Variants in CLEC19A observed in about 807,000 individuals in gnomAD.
CLEC19A encodes C-type lectin domain family 19 member A.
A neutral mutation model predicts 26.1 loss-of-function variants in CLEC19A; 21 were observed. The ratio of observed to expected loss-of-function variants is 0.80; its 90% CI spans 0.57 to 1.16. CLEC19A has a LOEUF of 1.16. Among genes scored for constraint, CLEC19A ranks in the 50% most tolerant of loss-of-function variants. CLEC19A has a pLI of 0.00. For missense variants in CLEC19A, 224 were observed against 227.6 expected, an observed-to-expected ratio of 0.98 and a Z score of 0.10; for synonymous variants, 89 against 88.6, an observed-to-expected ratio of 1.00 and a Z score of -0.03.
At chr16:19,302,328 ATCT>A (rs913750148) in intron 2 of CLEC19A, among the ~76,000 whole-genome samples, 4 of 152,208 alleles carry the variant, frequency 2.6e-5, no homozygotes, top group African/African-American at 9.6e-5. Flanking sequence ...GAAAAAAGAA[ATCT>A]TCTAATGGTG....
chr16:19,300,033 G>T (rs1042895207), intron 2 of CLEC19A, among the ~76,000 whole-genome samples: 2 of 152,028 alleles, frequency 1.3e-5, no homozygotes, highest in Non-Finnish European at 2.9e-5. Flanking sequence ...AGACCAGCCT[G>T]GCTAACATGG....
chr16:19,306,953 T>C (rs936574593), intron 3 of CLEC19A, among the ~76,000 whole-genome samples: 4 of 152,240 alleles, frequency 2.6e-5, no homozygotes, highest in Admixed American at 2.0e-4. Flanking sequence ...CTCCTGTTCC[T>C]GGACAAGTTG....
intron 2 of CLEC19A, among the ~76,000 whole-genome samples, chr16:19,301,710 C>A: frequency 7.1e-6 from 1 of 141,428 alleles, no homozygotes. Context: ...ACTACAGGCG[C>A]ATGACACCAT....
intron 3 of CLEC19A, 120 bp from the exon 4 acceptor site, chr16:19,307,425 C>A: frequency 1.9e-6 from 2 of 1,079,478 alleles, no homozygotes; most frequent in Non-Finnish European, 2.6e-6. Context: ...TCAATGAAGA[C>A]ATCTGTGCAG....
chr16:19,309,386 T>A lies in CLEC19A; in HGVS notation c.*303T>A. The A allele has an allele frequency of 3.8e-6, 1 of 260,362 alleles. No individual in the cohort carries two copies. Among genetic ancestry groups the A allele is most frequent in the South Asian group, 5.1e-5 (1 of 19,588 alleles). The allele number at this position is 260,362 out of a possible 1,614,324, so 16.1% of individuals were successfully genotyped here. On this transcript the variant is annotated 3_prime_UTR_variant, in exon 5 of 5. Transcript: ENST00000636231. ...TGGCCTGGCTCGGGTCACGTGCCCA[T>A]CCCTGAAGCAATCACTTTGGCATAT...
intron 2 of CLEC19A, among the ~76,000 whole-genome samples, chr16:19,303,526 CTGT>C (rs1175899966): frequency 3.3e-5 from 5 of 152,138 alleles, no homozygotes; most frequent in African/African-American, 1.2e-4. Flanking sequence ...GGATGGTGGG[CTGT>C]TAACTGAGGG....
intron 1 of CLEC19A, 36 bp downstream of exon 1, chr16:19,285,975 A>G (rs1897456884): frequency 6.5e-7 from 1 of 1,535,256 alleles, no homozygotes; most frequent in African/African-American, 1.4e-5. Flanking sequence ...GCAGGTGGAG[A>G]GGAGTACACT....
At chr16:19,298,606 T>C in intron 1 of CLEC19A, 67 bp from the exon 2 acceptor site, 1 of 1,467,316 alleles carries the variant, frequency 6.8e-7, no homozygotes, top group Non-Finnish European at 9.2e-7. Flanking sequence ...GAAAATAGGT[T>C]CTAAGCTATG....
intron 3 of CLEC19A, 82 bp downstream of exon 3, chr16:19,304,237 GC>G: frequency 8.6e-7 from 1 of 1,158,800 alleles, no homozygotes; most frequent in Non-Finnish European, 1.3e-6. Flanking sequence ...TCACATCAGT[GC>G]CAGGTCACGG....
intron 2 of CLEC19A, among the ~76,000 whole-genome samples, chr16:19,300,930 C>A (rs1897805811): frequency 6.6e-6 from 1 of 152,158 alleles, no homozygotes; most frequent in African/African-American, 2.4e-5. Context: ...TGGTTTCTCC[C>A]TCCTACCCAT....
intron 1 of CLEC19A, among the ~76,000 whole-genome samples, chr16:19,295,191 C>T (rs1279712371): frequency 6.6e-6 from 1 of 151,882 alleles, no homozygotes; most frequent in Non-Finnish European, 1.5e-5. Context: ...GGATGTGGGA[C>T]TCTCAGGGTT....
intron 2 of CLEC19A, among the ~76,000 whole-genome samples, chr16:19,300,838 G>C (rs1263592175): frequency 6.6e-6 from 1 of 152,168 alleles, no homozygotes; most frequent in Non-Finnish European, 1.5e-5. Flanking sequence ...TTGGAGGACA[G>C]GCCAGTCCTA....
In CLEC19A at chr16:19,307,297, G is replaced by A. The variant is rs534503701; in HGVS notation, c.349-248G>A. Among the ~76,000 whole-genome samples, 5 of 152,268 alleles carry A rather than the reference G, an allele frequency of 3.3e-5. No homozygotes were observed. In the South Asian group the frequency reaches 8.3e-4, roughly 25 times the overall value. ...TGACGCCTGCTTTTCAGAATGGTGA[G>A]GATAAAATGAGTAAAGTTCCTGGCA... On this transcript the variant is annotated intron_variant, in intron 3 of 4. Coordinates refer to ENST00000636231, the MANE Select transcript of CLEC19A (RefSeq NM_001256720.2).
intron 3 of CLEC19A, among the ~76,000 whole-genome samples, chr16:19,307,016 C>A (rs1266937792): frequency 6.6e-6 from 1 of 152,216 alleles, no homozygotes; most frequent in Non-Finnish European, 1.5e-5. Context: ...CAACACCAAT[C>A]AAATTCCCAA....
At chr16:19,289,919 C>A (rs141527663) in intron 1 of CLEC19A, among the ~76,000 whole-genome samples, 4 of 152,328 alleles carry the variant, frequency 2.6e-5, no homozygotes, top group African/African-American at 7.2e-5. Context: ...GAGACACTTT[C>A]TTCCAGCCCG....
intron 1 of CLEC19A, among the ~76,000 whole-genome samples, chr16:19,292,879 G>C (rs1897619492): frequency 6.6e-6 from 1 of 152,202 alleles, no homozygotes; most frequent in South Asian, 2.1e-4. Flanking sequence ...GGGGCAAGCA[G>C]TTCCCAAAGG....
chr16:19,308,586 A>G (rs1413038535), intron 4 of CLEC19A, among the ~76,000 whole-genome samples: 1 of 152,232 alleles, frequency 6.6e-6, no homozygotes, highest in Non-Finnish European at 1.5e-5. Flanking sequence ...AAGTTCAGCA[A>G]CTTGTTCAAG....
intron 1 of CLEC19A, among the ~76,000 whole-genome samples, chr16:19,298,351 G>C (rs1897748779): frequency 6.6e-6 from 1 of 151,514 alleles, no homozygotes. Context: ...TGGAGTTCAA[G>C]ACCAGCCTGG....
At chr16:19,300,473 G>A (rs1399788561) in intron 2 of CLEC19A, among the ~76,000 whole-genome samples, 4 of 151,352 alleles carry the variant, frequency 2.6e-5, no homozygotes, top group Non-Finnish European at 4.4e-5. Flanking sequence ...ACTTGAGCCC[G>A]AGAGGTTGAG....
Sources: allele counts gnomAD v4.1 joint callset (sites outside exome capture counted in the v4.1 genomes callset), GRCh38; gene constraint gnomAD v4.1.1; transcripts MANE v1.5; gene names NCBI Gene and HGNC (gene_info 2026-07-23, HGNC 2026-07-21).